Variants in ERBB4 observed in about 807,000 individuals in gnomAD.
The protein encoded by ERBB4 is receptor tyrosine-protein kinase erbB-4.
In ERBB4, 42 loss-of-function variants were observed where a neutral mutation model predicts 158.0. The observed-to-expected ratio is 0.27, with a 90% CI of 0.21 to 0.34. ERBB4 has a LOEUF of 0.34. ERBB4 is among the 10% of genes least tolerant of loss of function. The pLI is 1.00. For synonymous variants in ERBB4, 583 were observed against 558.7 expected, an observed-to-expected ratio of 1.04 and a Z score of -0.61; for missense variants, 1,333 against 1,624.1, an observed-to-expected ratio of 0.82 and a Z score of 3.08.
At chr2:211,680,545 T>C (rs1167779098) in intron 12 of ERBB4, among the ~76,000 whole-genome samples, 9 of 152,210 alleles carry the variant, frequency 5.9e-5, no homozygotes, top group Non-Finnish European at 2.9e-5. Flanking sequence ...GCACTGAATA[T>C]GGTAGTGTAA....
At chr2:211,787,159 C>G (rs930338661) in intron 4 of ERBB4, among the ~76,000 whole-genome samples, 3 of 151,938 alleles carry the variant, frequency 2.0e-5, no homozygotes, top group Admixed American at 1.3e-4. Flanking sequence ...AATTATTGAA[C>G]TATGTTGAGA....
chr2:211,512,200 T>C (rs2125616172), intron 20 of ERBB4, among the ~76,000 whole-genome samples: 1 of 152,274 alleles, frequency 6.6e-6, no homozygotes, highest in Middle Eastern at 3.4e-3. Context: ...CTCATTTATC[T>C]TCTATTTTAG....
At chr2:212,263,670 T>C (rs1434021067) in intron 1 of ERBB4, among the ~76,000 whole-genome samples, 4 of 152,076 alleles carry the variant, frequency 2.6e-5, no homozygotes, top group Admixed American at 2.0e-4. Context: ...TATAATTTTA[T>C]GCTTAATACA....
intron 20 of ERBB4, among the ~76,000 whole-genome samples, chr2:211,515,912 A>ATATATATATATATATATTTTTTTT (rs35696520): frequency 3.8e-5 from 3 of 78,984 alleles, no homozygotes; most frequent in Non-Finnish European, 7.2e-5. Flanking sequence ...ATATATATAT[A>ATATATATATATATATATTTTTTTT]TTTTTTTTTT....
chr2:211,923,152 T>C (rs886728468), intron 3 of ERBB4, among the ~76,000 whole-genome samples: 2 of 152,132 alleles, frequency 1.3e-5, no homozygotes, highest in African/African-American at 4.8e-5. Flanking sequence ...GTTGGCACAA[T>C]ATTTATAGGT....
intron 1 of ERBB4, among the ~76,000 whole-genome samples, chr2:212,257,439 CTT>C (rs1479811871): frequency 6.6e-6 from 1 of 152,040 alleles, no homozygotes; most frequent in African/African-American, 2.4e-5. Flanking sequence ...CAAACTAACT[CTT>C]TTGTTATCTA....
chr2:212,352,835 T>C (rs2089308611), intron 1 of ERBB4, among the ~76,000 whole-genome samples: 1 of 152,020 alleles, frequency 6.6e-6, no homozygotes, highest in African/African-American at 2.4e-5. Context: ...GGCACTGCAC[T>C]CCAGCCTGGG....
At chr2:211,966,232 T>C (rs571249768) in intron 2 of ERBB4, among the ~76,000 whole-genome samples, 106 of 152,072 alleles carry the variant, frequency 7.0e-4, no homozygotes, top group Non-Finnish European at 5.0e-4. Context: ...AAAAAAGAAT[T>C]TCAATATTAT....
intron 3 of ERBB4, among the ~76,000 whole-genome samples, chr2:211,854,361 T>C (rs2077797659): frequency 6.6e-6 from 1 of 151,938 alleles, no homozygotes; most frequent in African/African-American, 2.4e-5. Context: ...AATGATGAAA[T>C]CAGAAATATG....
intron 1 of ERBB4, among the ~76,000 whole-genome samples, chr2:212,172,216 C>T (rs987455097): frequency 1.3e-4 from 20 of 152,064 alleles, no homozygotes; most frequent in African/African-American, 1.7e-4. Context: ...TAATGAGATA[C>T]GATCTCATAC....
At chr2:211,850,944 C>T (rs1382216555) in intron 3 of ERBB4, among the ~76,000 whole-genome samples, 1 of 151,894 alleles carries the variant, frequency 6.6e-6, no homozygotes, top group Non-Finnish European at 1.5e-5. Flanking sequence ...TTTAAGGCAG[C>T]ACATTTGGAC....
chr2:212,307,639 T>A (rs1048158574), intron 1 of ERBB4, among the ~76,000 whole-genome samples: 1 of 151,072 alleles, frequency 6.6e-6, no homozygotes, highest in Non-Finnish European at 1.5e-5. Flanking sequence ...AGAATAAACA[T>A]TTAGTATGTT....
rs78069007 is a variant in ERBB4 at position 211,503,453 on chromosome 2, C to T, written c.2487+58450G>A. Among the ~76,000 whole-genome samples, 1,039 of 152,212 alleles carry T rather than the reference C, an allele frequency of 6.8e-3. 17 individuals are homozygous for T. The highest frequency in any genetic ancestry group is 0.024 in the African/African-American group (984 of 41,546). ...CCAAGACTGCCAGCCTGGTTGTTACCGCAATGGGAGACCCACAGCATACCC... is the reference window on the plus strand; with the variant it reads ...CCAAGACTGCCAGCCTGGTTGTTACTGCAATGGGAGACCCACAGCATACCC... On this transcript the variant is annotated intron_variant, in intron 20 of 27. Transcript: ENST00000342788.
At chr2:211,688,094 T>G (rs373563681) in intron 12 of ERBB4, among the ~76,000 whole-genome samples, 10 of 152,318 alleles carry the variant, frequency 6.6e-5, no homozygotes, top group South Asian at 4.1e-4. Context: ...ATTACATTGT[T>G]ACTATTTTCG....
chr2:212,488,956 T>C (rs1690124056), intron 1 of ERBB4, among the ~76,000 whole-genome samples: 1 of 148,776 alleles, frequency 6.7e-6, no homozygotes, highest in Admixed American at 6.8e-5. Flanking sequence ...TCGCCATTCA[T>C]ACTAGATGGC....
chr2:211,665,551 T>G (rs1428282799), intron 14 of ERBB4, 74 bp from the exon 15 acceptor site: 2 of 1,460,624 alleles, frequency 1.4e-6, no homozygotes, highest in Admixed American at 1.9e-5. Flanking sequence ...TCATGTGGTT[T>G]AGTTACTGAG....
intron 3 of ERBB4, among the ~76,000 whole-genome samples, chr2:211,862,463 G>T (rs1373562803): frequency 2.0e-5 from 3 of 151,572 alleles, no homozygotes; most frequent in Non-Finnish European, 4.4e-5. Context: ...AGAGATTCCT[G>T]TTCAAACATA....
intron 1 of ERBB4, among the ~76,000 whole-genome samples, chr2:212,456,604 G>A (rs1213682044): frequency 6.6e-6 from 1 of 151,596 alleles, no homozygotes; most frequent in Non-Finnish European, 1.5e-5. Flanking sequence ...AATCGTGAAG[G>A]TTAGGAAACA....
At chr2:212,023,221 A>C (rs1402187969) in intron 2 of ERBB4, among the ~76,000 whole-genome samples, 1 of 152,132 alleles carries the variant, frequency 6.6e-6, no homozygotes, top group Non-Finnish European at 1.5e-5. Flanking sequence ...TTTATATCTC[A>C]GCTTCACTTC....
Sources: gnomAD v4.1 joint callset for allele counts (sites outside exome capture counted in the v4.1 genomes callset) on GRCh38, gnomAD v4.1.1 for gene constraint, MANE v1.5 for transcripts, NCBI Gene and HGNC (gene_info 2026-07-23, HGNC 2026-07-21) for gene names.